MICU1: variants seen among roughly 807,000 people sequenced by gnomAD.
MICU1 encodes mitochondrial calcium uptake 1, also known as calcium uptake protein 1, mitochondrial.
A neutral mutation model predicts 56.8 loss-of-function variants in MICU1; 45 were observed. That is an observed-to-expected ratio of 0.79 (90% CI 0.62 to 1.02). The LOEUF is 1.02. Ranked by LOEUF, MICU1 falls within the 50% of genes least tolerant of loss-of-function variation. The probability of loss-of-function intolerance (pLI) is 0.00; values close to 1 mark genes in which losing one functional copy is unlikely to be tolerated. For synonymous variants in MICU1, 186 were observed against 195.1 expected (o/e 0.95, Z 0.39); for missense variants, 504 against 587.1 (o/e 0.86, Z 1.46).
chr10:72,482,254 T>C (rs1564894427), intron 6 of MICU1, among the ~76,000 whole-genome samples: 1 of 152,232 alleles, frequency 6.6e-6, no homozygotes, highest in Middle Eastern at 3.2e-3. Flanking sequence ...AGTCATTTGC[T>C]GCCTTACATT....
intron 1 of MICU1, among the ~76,000 whole-genome samples, chr10:72,568,346 C>T (rs1397039374): frequency 6.6e-6 from 1 of 152,168 alleles, no homozygotes; most frequent in African/African-American, 2.4e-5. Context: ...TTTTCTTCCC[C>T]TTCTGCATAT....
intron 6 of MICU1, among the ~76,000 whole-genome samples, chr10:72,498,444 G>A (rs1461119627): frequency 1.3e-5 from 2 of 152,160 alleles, no homozygotes; most frequent in East Asian, 1.9e-4. Context: ...AAATTAGCCA[G>A]GTGTGGTGAT....
At chr10:72,603,076 G>T (rs1841585316) in intron 1 of MICU1, among the ~76,000 whole-genome samples, 1 of 152,002 alleles carries the variant, frequency 6.6e-6, no homozygotes, top group South Asian at 2.1e-4. Flanking sequence ...CTTGCAGTGA[G>T]CCGAGATCAT....
At chr10:72,448,173 GTATATA>G (rs1202727249) in intron 8 of MICU1, among the ~76,000 whole-genome samples, 22 of 77,186 alleles carry the variant, frequency 2.9e-4, no homozygotes, top group African/African-American at 8.2e-4. Context: ...ATATGTGTGT[GTATATA>G]TATATATATA....
intron 9 of MICU1, among the ~76,000 whole-genome samples, chr10:72,408,859 C>G (rs926354259): frequency 4.6e-5 from 7 of 152,166 alleles, no homozygotes; most frequent in Admixed American, 6.5e-5. Context: ...AATGGGGAAG[C>G]CGTTCATTAT....
chr10:72,476,473 A>G (rs529323424), intron 7 of MICU1, among the ~76,000 whole-genome samples: 1 of 151,936 alleles, frequency 6.6e-6, no homozygotes, highest in Non-Finnish European at 1.5e-5. Flanking sequence ...TGGTCCCCCA[A>G]CCGCCTCTGC....
chr10:72,424,116 C>CG (rs953746281), intron 8 of MICU1, among the ~76,000 whole-genome samples: 1 of 110,354 alleles, frequency 9.1e-6, no homozygotes, highest in African/African-American at 2.5e-5. Context: ...ACCATTTCCC[C>CG]CCCACCTTTT....
intron 10 of MICU1, among the ~76,000 whole-genome samples, chr10:72,376,254 G>C (rs1862515986): frequency 6.6e-6 from 1 of 151,836 alleles, no homozygotes; most frequent in African/African-American, 2.4e-5. Flanking sequence ...CTCCAGCCTG[G>C]GAGAGTGAGA....
intron 8 of MICU1, among the ~76,000 whole-genome samples, chr10:72,444,236 G>C (rs1421617644): frequency 7.9e-5 from 12 of 151,952 alleles, no homozygotes; most frequent in South Asian, 6.3e-4. Flanking sequence ...GTGGGGGAAG[G>C]GGGGAGGGAT....
chr10:72,547,695 G>A (rs537506397), intron 4 of MICU1, among the ~76,000 whole-genome samples: 1 of 152,242 alleles, frequency 6.6e-6, no homozygotes, highest in African/African-American at 2.4e-5. Context: ...ACAAAGGATA[G>A]AGAAACATGT....
intron 10 of MICU1, 43 bp downstream of exon 10, chr10:72,407,886 C>T: frequency 7.5e-7 from 1 of 1,326,630 alleles, no homozygotes; most frequent in Non-Finnish European, 1.1e-6. Flanking sequence ...ATTACAGATC[C>T]AATGTTCATA....
chr10:72,476,109 C>T (rs1448703202), intron 7 of MICU1, among the ~76,000 whole-genome samples: 5 of 151,788 alleles, frequency 3.3e-5, no homozygotes, highest in Admixed American at 3.3e-4. Flanking sequence ...TGCCTATAAT[C>T]CCAGCTGCTC....
intron 8 of MICU1, among the ~76,000 whole-genome samples, chr10:72,429,505 T>G (rs564151743): frequency 6.6e-6 from 1 of 152,234 alleles, no homozygotes; most frequent in East Asian, 1.9e-4. Context: ...ACTTTAAGAT[T>G]AAACTACTTA....
Position 72,408,013 on chromosome 10 carries a change from T to G in MICU1, c.1096A>C (p.Asn366His), listed in dbSNP as rs761453593. The G allele has an allele frequency of 4.5e-5, 73 of 1,613,558 alleles. No individual in the cohort carries two copies. The highest frequency in any genetic ancestry group is 5.9e-5 in the Non-Finnish European group (70 of 1,179,738). The change falls in exon 10 of 12, where the codon AAC becomes CAC. Residue 366 changes from asparagine to histidine, a missense_variant. Transcript: ENST00000361114. ...ATGTTCTTTAGGAAAGTAAAGAAGTTCTCCACCTCCTGAAATGTCAGACCC... is the reference window on the plus strand; with the variant it reads ...ATGTTCTTTAGGAAAGTAAAGAAGTGCTCCACCTCCTGAAATGTCAGACCC... ...GKGLTFQEVE[N>H]FFTFLKNIND... is the part of the protein sequence containing the mutation.
chr10:72,566,274 G>A (rs1326912227), intron 2 of MICU1, among the ~76,000 whole-genome samples: 1 of 152,060 alleles, frequency 6.6e-6, no homozygotes, highest in African/African-American at 2.4e-5. Flanking sequence ...TCAAACTCCT[G>A]ACTTCAAGTG....
intron 11 of MICU1, among the ~76,000 whole-genome samples, chr10:72,370,863 C>T (rs1022316584): frequency 2.6e-5 from 4 of 151,398 alleles, no homozygotes; most frequent in African/African-American, 4.9e-5. Context: ...AACCCTGTCT[C>T]TACTAAAAAT....
chr10:72,424,646 C>A (rs1167150041), intron 8 of MICU1, among the ~76,000 whole-genome samples: 1 of 152,056 alleles, frequency 6.6e-6, no homozygotes, highest in Non-Finnish European at 1.5e-5. Context: ...GCCTACAGAG[C>A]AGCTACTATT....
intron 1 of MICU1, among the ~76,000 whole-genome samples, chr10:72,603,386 CAA>C (rs59129933): frequency 1.5e-4 from 20 of 129,620 alleles, no homozygotes; most frequent in Middle Eastern, 8.5e-3. Context: ...GACTCTGTCT[CAA>C]AAAAAAAAAA....
At chr10:72,548,171 C>A (rs887736157) in intron 4 of MICU1, among the ~76,000 whole-genome samples, 3 of 152,194 alleles carry the variant, frequency 2.0e-5, no homozygotes, top group African/African-American at 4.8e-5. Context: ...TCCTGTCAGG[C>A]TGCAACACTG....
Sources: gnomAD v4.1 joint callset for allele counts (sites outside exome capture counted in the v4.1 genomes callset) on GRCh38, gnomAD v4.1.1 for gene constraint, MANE v1.5 for transcripts, NCBI Gene and HGNC (gene_info 2026-07-23, HGNC 2026-07-21) for gene names.